NUDT3: variants seen among roughly 807,000 people sequenced by gnomAD.
NUDT3 encodes the protein diphosphoinositol polyphosphate phosphohydrolase 1.
A neutral mutation model predicts 23.6 loss-of-function variants in NUDT3; 9 were observed. The ratio of observed to expected loss-of-function variants is 0.38; its 90% CI spans 0.23 to 0.66. The LOEUF (loss-of-function observed/expected upper bound fraction) is 0.66. NUDT3 is among the 30% of genes least tolerant of loss of function. The pLI, the probability that NUDT3 is intolerant of heterozygous loss-of-function variation, is 0.52. For missense variants in NUDT3, 172 were observed against 218.5 expected (o/e 0.79, Z 1.34); for synonymous variants, 86 against 82.6 (o/e 1.04, Z -0.22).
At chr6:34,319,626 G>T (rs571396306) in intron 2 of NUDT3, among the ~76,000 whole-genome samples, 1 of 152,298 alleles carries the variant, frequency 6.6e-6, no homozygotes, top group African/African-American at 2.4e-5. Context: ...GGATAGGCAT[G>T]ATTGGACAAC....
intron 2 of NUDT3, among the ~76,000 whole-genome samples, chr6:34,324,522 G>A (rs565091233): frequency 4.6e-5 from 7 of 152,102 alleles, no homozygotes; most frequent in African/African-American, 1.2e-4. Flanking sequence ...CTCCTGCCTT[G>A]GCCTCCCAAA....
chr6:34,345,096 T>C (rs1200284370), intron 1 of NUDT3, among the ~76,000 whole-genome samples: 1 of 151,848 alleles, frequency 6.6e-6, no homozygotes, highest in Non-Finnish European at 1.5e-5. Context: ...TTGCCCAGGC[T>C]GGAGTACAGT....
intron 1 of NUDT3, among the ~76,000 whole-genome samples, chr6:34,383,269 A>T (rs1765053072): frequency 6.6e-6 from 1 of 152,236 alleles, no homozygotes; most frequent in African/African-American, 2.4e-5. Flanking sequence ...AATATGTTAA[A>T]TAACCAAGCC....
intron 2 of NUDT3, among the ~76,000 whole-genome samples, chr6:34,299,723 C>T (rs987109614): frequency 6.6e-6 from 1 of 150,816 alleles, no homozygotes; most frequent in East Asian, 2.0e-4. Flanking sequence ...CTGGCCAACA[C>T]GGCAAAACCC....
intron 2 of NUDT3, among the ~76,000 whole-genome samples, chr6:34,297,883 C>T (rs1474128006): frequency 1.3e-5 from 2 of 148,820 alleles, no homozygotes; most frequent in African/African-American, 2.5e-5. Context: ...GTGTGAGCCA[C>T]TGCACCCGGC....
chr6:34,372,821 A>G (rs1239933664), intron 1 of NUDT3, among the ~76,000 whole-genome samples: 1 of 151,950 alleles, frequency 6.6e-6, no homozygotes, highest in Non-Finnish European at 1.5e-5. Flanking sequence ...ATATATATAT[A>G]TACTTTGTGA....
chr6:34,347,621 A>T (rs1764394642), intron 1 of NUDT3, among the ~76,000 whole-genome samples: 1 of 152,218 alleles, frequency 6.6e-6, no homozygotes, highest in South Asian at 2.1e-4. Context: ...AACCTAATGA[A>T]GGGAGGGAGA....
At chr6:34,293,624 G>C (rs1444757522) in intron 3 of NUDT3, 89 bp from the exon 4 acceptor site, 1 of 1,451,680 alleles carries the variant, frequency 6.9e-7, no homozygotes, top group East Asian at 2.3e-5. Context: ...CATATGTCCA[G>C]AGAGCTCAGA....
Position 34,336,722 on chromosome 6 carries a change from A to G in NUDT3, c.210+5140T>C, listed in dbSNP as rs192612190. On this transcript the variant is annotated intron_variant, in intron 2 of 4. Transcript: ENST00000607016. ...ACTTTTTTTCATTGAAGAGCTTTAT[A>G]AAGTTTTTTTTTTAAGTAGGACAAC... Among the ~76,000 whole-genome samples the G allele has an allele frequency of 3.4e-3, 521 of 152,190 alleles. 5 individuals are homozygous for G. The highest frequency in any genetic ancestry group is 7.7e-3 in the Admixed American group (117 of 15,268).
chr6:34,346,610 AG>A (rs1764374638), intron 1 of NUDT3, among the ~76,000 whole-genome samples: 1 of 152,230 alleles, frequency 6.6e-6, no homozygotes, highest in African/African-American at 2.4e-5. Flanking sequence ...TATATGAACT[AG>A]GACTACAATA....
intron 1 of NUDT3, among the ~76,000 whole-genome samples, chr6:34,359,541 G>A (rs995393694): frequency 3.9e-5 from 6 of 152,092 alleles, no homozygotes; most frequent in Admixed American, 6.6e-5. Context: ...GACCTTTAGC[G>A]TCTGTCTTCT....
chr6:34,297,451 T>C (rs1763517841), intron 2 of NUDT3, among the ~76,000 whole-genome samples: 1 of 151,720 alleles, frequency 6.6e-6, no homozygotes, highest in African/African-American at 2.4e-5. Context: ...TCCTGAGACA[T>C]GTCACCTGTG....
At chr6:34,355,355 C>T (rs965422459) in intron 1 of NUDT3, among the ~76,000 whole-genome samples, 12 of 151,772 alleles carry the variant, frequency 7.9e-5, no homozygotes, top group African/African-American at 2.9e-4. Context: ...GTTAAACCAG[C>T]CTTGTATTTT....
At chr6:34,304,856 G>A (rs1763655238) in intron 2 of NUDT3, among the ~76,000 whole-genome samples, 1 of 146,744 alleles carries the variant, frequency 6.8e-6, no homozygotes, top group Admixed American at 6.9e-5. Flanking sequence ...TTTTTTGGTA[G>A]AGATGAGGTC....
Position 34,354,735 on chromosome 6 carries a change from G to GTGTATATA in NUDT3, c.100-12764_100-12763insTATATACA, listed in dbSNP as rs569874972. Among the ~76,000 whole-genome samples the GTGTATATA allele has an allele frequency of 2.8e-3, 336 of 120,694 alleles. 5 individuals are homozygous for GTGTATATA. The highest frequency in any genetic ancestry group is 9.0e-3 in the African/African-American group (311 of 34,372). The allele number at this position is 120,694 out of a possible 152,430, so 79.2% of individuals were successfully genotyped here. A position where few individuals can be genotyped will look rare whatever the true frequency, so the allele number is the denominator to read the frequency against. ...AAGACTCTATCTCGGGGGGGAAAAA[G>GTGTATATA]TATATATATATATATATTTATTTAC... On this transcript the variant is annotated intron_variant, in intron 1 of 4. Transcript: ENST00000607016.
intron 1 of NUDT3, among the ~76,000 whole-genome samples, chr6:34,374,534 AT>A (rs201798164): frequency 1.0e-4 from 15 of 148,788 alleles, no homozygotes; most frequent in South Asian, 4.2e-4. Context: ...TCAGCATCTG[AT>A]TTTTTTTTTA....
intron 2 of NUDT3, among the ~76,000 whole-genome samples, chr6:34,330,895 C>T (rs1764117564): frequency 6.6e-6 from 1 of 152,182 alleles, no homozygotes; most frequent in Non-Finnish European, 1.5e-5. Context: ...CACTGTGATG[C>T]CCAGGCTGGA....
chr6:34,377,845 A>AG (rs968876295), intron 1 of NUDT3, among the ~76,000 whole-genome samples: 1 of 151,808 alleles, frequency 6.6e-6, no homozygotes, highest in Non-Finnish European at 1.5e-5. Context: ...AAAAAAAAAA[A>AG]AAAGTGTGGA....
intron 1 of NUDT3, among the ~76,000 whole-genome samples, chr6:34,374,806 T>G (rs180766268): frequency 1.4e-4 from 21 of 152,308 alleles, no homozygotes; most frequent in African/African-American, 4.8e-4. Context: ...ACTTTCCTCA[T>G]TCAAGTCTCA....
Sources: gnomAD v4.1 joint callset for allele counts (sites outside exome capture counted in the v4.1 genomes callset) on GRCh38, gnomAD v4.1.1 for gene constraint, MANE v1.5 for transcripts, NCBI Gene and HGNC (gene_info 2026-07-23, HGNC 2026-07-21) for gene names.